The following TMEM235 variants were observed in gnomAD, a reference collection of about 807,000 sequenced individuals.
TMEM235 encodes the protein transmembrane protein 235, also known as claudin-27.
A neutral mutation model predicts 22.9 loss-of-function variants in TMEM235; 23 were observed. The observed-to-expected ratio is 1.00, with a 90% CI of 0.72 to 1.42. The LOEUF is 1.42. Ranked by LOEUF, TMEM235 falls within the 40% of genes most tolerant of loss-of-function variation. The pLI, the probability that TMEM235 is intolerant of heterozygous loss-of-function variation, is 0.00. For synonymous variants in TMEM235, 137 were observed against 140.5 expected (o/e 0.98, Z 0.17); for missense variants, 308 against 299.5 (o/e 1.03, Z -0.21).
intron 3 of TMEM235, 170 bp downstream of exon 2, chr17:78,234,145 G>A (rs189956323): frequency 1.4e-4 from 99 of 709,144 alleles, no homozygotes; most frequent in Non-Finnish European, 6.7e-5. Context: ...CTAACCACAG[G>A]TGCCCAGCTC....
In TMEM235 at chr17:78,231,832, G is replaced by A. The variant is rs1302603577; in HGVS notation, c.-192G>A. ...GGGCGAGCTCAGCGACCGCAGAGAG[G>A]TGGGGTCGATCTCCCTGCGACCCCA... On this transcript the variant is annotated 5_prime_UTR_variant, in exon 2 of 6. The change creates a new upstream start codon in the 5' untranslated region. Coordinates refer to ENST00000421688, the Ensembl canonical transcript of TMEM235. The A allele has an allele frequency of 1.7e-6, 2 of 1,198,650 alleles. No homozygotes were observed. The highest frequency in any genetic ancestry group is 2.4e-4 in the Middle Eastern group (1 of 4,210). The allele number at this position is 1,198,650 out of a possible 1,614,324, so 74.3% of individuals were successfully genotyped here.
rs1172119905 is a variant in TMEM235, at chr17:78,237,600, C to A, written c.410-1424C>A. On this transcript the variant is annotated intron_variant, in intron 4 of 5. Transcript: ENST00000421688. This position sits in a 1 kb window ranked among gnomAD's most constrained non-coding sequence, Gnocchi z 4.7. ...AGGGCTCAGCTGGTGGGGCGGCCTG[C>A]CAGGAAGTGGGGCCTTGGGCTGCAG... Among the ~76,000 whole-genome samples, 2 of 151,968 alleles carry A rather than the reference C, an allele frequency of 1.3e-5. No homozygotes were observed. Among genetic ancestry groups the A allele is most frequent in the Non-Finnish European group, 2.9e-5 (2 of 67,970 alleles).
At chr17:78,234,352 G>C in intron 3 of TMEM235, 1 of 717,048 alleles carries the variant, frequency 1.4e-6, no homozygotes, top group Non-Finnish European at 2.5e-6. Flanking sequence ...CTGGCGGGTT[G>C]GGGGACATGT....
At chr17:78,236,059 C>A (rs1280367146) in intron 4 of TMEM235, among the ~76,000 whole-genome samples, 1 of 152,232 alleles carries the variant, frequency 6.6e-6, no homozygotes, top group Non-Finnish European at 1.5e-5. Context: ...GATTATCATT[C>A]CACATGCGAT....
exon 2 of TMEM235, chr17:78,231,826 A>G (rs1340870491): frequency 2.6e-5 from 31 of 1,204,136 alleles, no homozygotes; most frequent in Non-Finnish European, 2.4e-5. Context: ...CAGCGACCGC[A>G]GAGAGGTGGG....
exon 2 of TMEM235, chr17:78,232,093 G>A (rs1288125651): frequency 1.7e-5 from 25 of 1,466,098 alleles, no homozygotes; most frequent in East Asian, 3.0e-5. Flanking sequence ...GCTCCTGGCC[G>A]CCGCGGTCGC....
At chr17:78,232,321 C>G in intron 2 of TMEM235, 108 bp downstream of exon 1, 2 of 1,086,474 alleles carry the variant, frequency 1.8e-6, no homozygotes, top group Non-Finnish European at 2.4e-6. Context: ...TCCAGGACCC[C>G]TCTCTTGCAT....
At position 78,232,255 on chromosome 17, in the gene TMEM235, G is replaced by A. The variant is rs535553040; in HGVS notation, c.190+42G>A. On this transcript the variant is annotated intron_variant, in intron 2 of 5. Transcript: ENST00000421688. ...CCGGCCCTCCTCCCTCCGCGACCTC[G>A]TCCCTCCGACACCCCCTTAACCCCG... The A allele has an allele frequency of 1.1e-4, 151 of 1,414,348 alleles. No individual in the cohort carries two copies. The South Asian group carries it at 2.1e-3, about 20-fold the overall frequency. The allele number at this position is 1,414,348 out of a possible 1,614,324, so 87.6% of individuals were successfully genotyped here. A position where few individuals can be genotyped will look rare whatever the true frequency, so the allele number is the denominator to read the frequency against.
rs545010538 is a variant in TMEM235, at chr17:78,237,483, C to T, written c.410-1541C>T. On this transcript the variant is annotated intron_variant, in intron 4 of 5. Transcript: ENST00000421688. The surrounding 1 kb of genome is among the most constrained non-coding windows in gnomAD (Gnocchi z 4.7). ...ATCACCAGGGATTTGGGAGGTACTT[C>T]AGGTCCCAGTTTGGGAGCTTACTCT... 9.2e-5 allele frequency among the ~76,000 whole-genome samples: 14 copies of T among 152,290 alleles called. No individual in the cohort carries two copies. Among genetic ancestry groups the T allele is most frequent in the African/African-American group, 3.4e-4 (14 of 41,564 alleles).
chr17:78,238,885 A>G lies in TMEM235; in HGVS notation c.410-139A>G. The G allele has an allele frequency of 7.5e-7, 1 of 1,331,676 alleles. No individual in the cohort carries two copies. Among genetic ancestry groups the G allele is most frequent in the Non-Finnish European group, 1.0e-6 (1 of 1,001,152 alleles). The allele number at this position is 1,331,676 out of a possible 1,614,324, so 82.5% of individuals were successfully genotyped here. A position where few individuals can be genotyped will look rare whatever the true frequency, so the allele number is the denominator to read the frequency against. The stretch of plus-strand genomic sequence containing the variant: ...ACAGCCAGGCAGGGCTAACCATGAC[A>G]GGAAGGGCGGTGTGCTGCCTGCAGC... On this transcript the variant is annotated intron_variant, in intron 4 of 5. Coordinates refer to ENST00000421688, the Ensembl canonical transcript of TMEM235. The surrounding 1 kb of genome is among the most constrained non-coding windows in gnomAD (Gnocchi z 4.3).
At chr17:78,236,076 C>T (rs1177493037) in intron 4 of TMEM235, among the ~76,000 whole-genome samples, 1 of 152,192 alleles carries the variant, frequency 6.6e-6, no homozygotes, top group African/African-American at 2.4e-5. Context: ...CGATTCGGGC[C>T]GGGACACCAA....
In TMEM235 at chr17:78,238,715, C is replaced by T. The variant is rs1231823327; in HGVS notation, c.410-309C>T. 6.6e-6 allele frequency among the ~76,000 whole-genome samples: 1 copy of T among 151,828 alleles called. No homozygotes were observed. The highest frequency in any genetic ancestry group is 1.5e-5 in the Non-Finnish European group (1 of 67,950). ...GTTGAGGGGCAGGTGGCACTGTTTGCAGGAGGCTTTATGGGATGAGGTCTC... is the reference window on the plus strand; with the variant it reads ...GTTGAGGGGCAGGTGGCACTGTTTGTAGGAGGCTTTATGGGATGAGGTCTC... On this transcript the variant is annotated intron_variant, in intron 4 of 5. Transcript: ENST00000421688. This position sits in a 1 kb window ranked among gnomAD's most constrained non-coding sequence, Gnocchi z 4.3.
In TMEM235 at chr17:78,237,405, C is replaced by T. The variant is rs1368990295; in HGVS notation, c.410-1619C>T. On this transcript the variant is annotated intron_variant, in intron 4 of 5. Transcript: ENST00000421688. The surrounding 1 kb of genome is among the most constrained non-coding windows in gnomAD (Gnocchi z 4.7). ...GTTTCCCAGCTTGAGGTTGCAGGTG[C>T]CAGCCGCAGAGGCCTCCTTTAGGAG... Among the ~76,000 whole-genome samples the T allele has an allele frequency of 6.6e-6, 1 of 152,156 alleles. No homozygotes were observed. Among genetic ancestry groups the T allele is most frequent in the Non-Finnish European group, 1.5e-5 (1 of 68,018 alleles).
At chr17:78,232,057 G>T (rs1250718389) in exon 2 of TMEM235, 3 of 1,259,024 alleles carry the variant, frequency 2.4e-6, no homozygotes, top group Non-Finnish European at 3.0e-6. Context: ...CCTGGCCGCC[G>T]CCCTGGGTGC....
At chr17:78,231,437 C>A (rs556104112) in exon 2 of TMEM235, 1 of 1,298,348 alleles carries the variant, frequency 7.7e-7, no homozygotes, top group African/African-American at 1.5e-5. Flanking sequence ...CGCAGCCCCC[C>A]GCCCGGCTGT....
At position 78,235,290 on chromosome 17, in the gene TMEM235, CT is replaced by C. The variant is rs369121426; in HGVS notation, c.409+574del. On this transcript the variant is annotated intron_variant, in intron 4 of 5. Transcript: ENST00000421688. ...GAAGAGAGTAGGGAGGTGTTACACA[CT>C]TTTTTTTTTTTTTGAGATGGAGTTT... 4.0e-3 allele frequency among the ~76,000 whole-genome samples: 569 copies of C among 143,756 alleles called. 2 individuals carry two copies. The highest frequency in any genetic ancestry group is 7.8e-3 in the African/African-American group (308 of 39,558). The allele number at this position is 143,756 out of a possible 152,430, so 94.3% of individuals were successfully genotyped here.
chr17:78,238,066 G>GC lies in TMEM235; in HGVS notation c.410-952dup, dbSNP rs1449056899. ...GCCTGTGGGGAAATCAGGGCCACCT[G>GC]CCCCCCTGGCTAACATTCCCTACAG... is the stretch of plus-strand genomic sequence containing the variant. On this transcript the variant is annotated intron_variant, in intron 4 of 5. Transcript: ENST00000421688. This position sits in a 1 kb window ranked among gnomAD's most constrained non-coding sequence, Gnocchi z 4.3. 6.6e-6 allele frequency among the ~76,000 whole-genome samples: 1 copy of GC among 151,386 alleles called. No individual in the cohort carries two copies. Among genetic ancestry groups the GC allele is most frequent in the South Asian group, 2.1e-4 (1 of 4,814 alleles).
chr17:78,232,264 A>G (rs1008819802), intron 2 of TMEM235, 51 bp downstream of exon 1: 10 of 1,400,722 alleles, frequency 7.1e-6, no homozygotes, highest in South Asian at 3.0e-5. Flanking sequence ...CGTCCCTCCG[A>G]CACCCCCTTA....
chr17:78,235,363 C>T (rs1477758119), intron 4 of TMEM235, among the ~76,000 whole-genome samples: 1 of 152,058 alleles, frequency 6.6e-6, no homozygotes, highest in Admixed American at 6.6e-5. Context: ...TCTCGACTCA[C>T]TGCAACCTCC....
Sources: allele counts gnomAD v4.1 joint callset (sites outside exome capture counted in the v4.1 genomes callset), GRCh38; gene constraint gnomAD v4.1.1; non-coding constraint Gnocchi (gnomAD v3.1); transcripts MANE v1.5; gene names NCBI Gene and HGNC (gene_info 2026-07-23, HGNC 2026-07-21).